Variants in ITGA2 observed in about 807,000 individuals in gnomAD.
ITGA2 encodes integrin alpha-2.
A neutral mutation model predicts 146.3 loss-of-function variants in ITGA2; 101 were observed. The ratio of observed to expected loss-of-function variants is 0.69; its 90% confidence interval spans 0.59 to 0.81. The LOEUF is 0.81. Ranked by LOEUF, ITGA2 falls within the 40% of genes least tolerant of loss-of-function variation. The pLI, the probability that ITGA2 is intolerant of heterozygous loss-of-function variation, is 0.00. For synonymous variants in ITGA2, 477 were observed against 487.1 expected (o/e 0.98, Z 0.27); for missense variants, 1,281 against 1,402.7 (o/e 0.91, Z 1.39).
rs192005523 is a variant in ITGA2, at chr5:52,992,244, G to A, written c.64+2712G>A. ...CTCCTCCTTTCCTCGCTGCTCTCCC[G>A]TCATCTCCTTCACAGGCTCTTTCCT... On this transcript the variant is annotated intron_variant, in intron 1 of 29. Transcript: ENST00000296585. Among the ~76,000 whole-genome samples the A allele has an allele frequency of 6.6e-5, 10 of 151,942 alleles. No individual in the cohort carries two copies. The East Asian group carries it at 9.7e-4, about 15-fold the overall frequency.
chr5:53,065,567 T>C (rs889646186), intron 14 of ITGA2, among the ~76,000 whole-genome samples: 6 of 151,900 alleles, frequency 3.9e-5, no homozygotes, highest in Non-Finnish European at 5.9e-5. Context: ...GTACCTGAAC[T>C]TGCATCAATT....
chr5:53,015,334 C>A (rs1175766533), intron 1 of ITGA2, among the ~76,000 whole-genome samples: 2 of 152,076 alleles, frequency 1.3e-5, no homozygotes, highest in Non-Finnish European at 2.9e-5. Context: ...TTGACTTCTA[C>A]CTTAATTTCG....
chr5:53,061,048 T>G lies in ITGA2; in HGVS notation c.1458+2T>G. 1 of 1,611,934 alleles carries G rather than the reference T, an allele frequency of 6.2e-7. No homozygotes were observed. The highest frequency in any genetic ancestry group is 8.5e-7 in the Non-Finnish European group (1 of 1,178,540). ...ATTCAGGCTCACCGAGGTGACCAGGTAAATCTCACTGTTTAGCAGGTGAAA... is the reference window on the plus strand; with the variant it reads ...ATTCAGGCTCACCGAGGTGACCAGGGAAATCTCACTGTTTAGCAGGTGAAA... On this transcript the variant is annotated splice_donor_variant, in intron 12 of 29. Coordinates refer to ENST00000296585, the MANE Select transcript of ITGA2 (RefSeq NM_002203.4). LOFTEE classifies it high-confidence loss of function.
chr5:53,042,523 C>T (rs762335828), intron 3 of ITGA2, among the ~76,000 whole-genome samples: 4 of 151,948 alleles, frequency 2.6e-5, no homozygotes, highest in Non-Finnish European at 4.4e-5. Flanking sequence ...TCCTTGAATC[C>T]GAGGCTATCC....
intron 12 of ITGA2, among the ~76,000 whole-genome samples, chr5:53,062,257 A>G (rs1011627858): frequency 1.3e-5 from 2 of 151,824 alleles, no homozygotes; most frequent in Non-Finnish European, 2.9e-5. Flanking sequence ...TTTGAATGAT[A>G]TTTTAACTTT....
rs183037725 is a variant in ITGA2, at chr5:53,064,876, T to C, written c.1603-36T>C. 1.3e-4 allele frequency: 200 copies of C among 1,588,610 alleles called. 1 individual carries two copies. The Middle Eastern group carries it at 8.3e-3, about 66-fold the overall frequency. ...AATTTTAATTATACAAGTTGTAAGG[T>C]TTGCTTTAATCATCCTTTTGTTTCC... On this transcript the variant is annotated intron_variant, in intron 13 of 29. Coordinates refer to ENST00000296585, the MANE Select transcript of ITGA2 (RefSeq NM_002203.4).
Position 53,070,153 on chromosome 5 carries a change from A to G in ITGA2, c.2128A>G (p.Arg710Gly), listed in dbSNP as rs752833323. 1 of 1,611,642 alleles carries G rather than the reference A, an allele frequency of 6.2e-7. No individual in the cohort carries two copies. Among genetic ancestry groups the G allele is most frequent in the East Asian group, 2.2e-5 (1 of 44,768 alleles). Residue 710 changes from arginine (R) to glycine (G), a missense_variant, in exon 17 of 30, where the codon AGA (arginine) becomes GGA (glycine). Coordinates refer to ENST00000296585, the MANE Select transcript of ITGA2 (RefSeq NM_002203.4). ...ITLDADGFSSRVTSRGLFKEN... is the reference protein window; with the variant it reads ...ITLDADGFSSGVTSRGLFKEN... ...ACTTGATGCAGATGGATTTTCATCC[A>G]GAGTAACCTCCAGGGGGTTATTTAA...
At position 53,061,014 on chromosome 5, in the gene ITGA2, A is replaced by G. The variant is rs764075084; in HGVS notation, c.1426A>G (p.Ile476Val). The G allele has an allele frequency of 5.0e-6, 8 of 1,612,318 alleles. No homozygotes were observed. The highest frequency in any genetic ancestry group is 6.8e-6 in the Non-Finnish European group (8 of 1,178,842). ...ATATAGTGTGAATGAGAATGGCAAT[A>G]TCACGGTTATTCAGGCTCACCGAGG... ...VLYSVNENGN[I>V]TVIQAHRGDQ... Residue 476 changes from isoleucine to valine, a missense_variant, in exon 12 of 30, where the codon ATC becomes GTC. Ile to Val is a conservative substitution (Grantham distance 29, BLOSUM62 3). Transcript: ENST00000296585.
At chr5:53,043,407 T>G (rs1337185983) in intron 3 of ITGA2, among the ~76,000 whole-genome samples, 3 of 152,158 alleles carry the variant, frequency 2.0e-5, no homozygotes, top group Non-Finnish European at 4.4e-5. Context: ...TACCTTCACA[T>G]AAAAATAAAT....
In ITGA2 at chr5:53,058,473, G is replaced by A. The variant is rs141016939; in HGVS notation, c.1173+372G>A. Among the ~76,000 whole-genome samples, 297 of 151,940 alleles carry A rather than the reference G, an allele frequency of 2.0e-3. 1 individual carries two copies. The highest frequency in any genetic ancestry group is 6.9e-3 in the African/African-American group (288 of 41,496). On this transcript the variant is annotated intron_variant, in intron 10 of 29. Transcript: ENST00000296585. ...TACTCTTGTCATCACCGTCATGGTC[G>A]AATTCTGAATGGTCATAGTATCTTT...
At chr5:53,076,527 C>T (rs1413103679) in intron 23 of ITGA2, among the ~76,000 whole-genome samples, 1 of 151,938 alleles carries the variant, frequency 6.6e-6, no homozygotes, top group Non-Finnish European at 1.5e-5. Flanking sequence ...TCAAAGGATC[C>T]CCACTTGCTA....
At chr5:52,994,430 G>C (rs141053385) in intron 1 of ITGA2, among the ~76,000 whole-genome samples, 187 of 152,314 alleles carry the variant, frequency 1.2e-3, no homozygotes, top group African/African-American at 4.4e-3. Context: ...AGGCATCTGG[G>C]CTGTGTCTGA....
chr5:53,064,958 A>G lies in ITGA2; in HGVS notation c.1649A>G (p.Glu550Gly), dbSNP rs898363051. The part of the protein sequence containing the change: ...HQFLEGPEGI[E>G]NTRFGSAIAA... ...TTTCTTGAAGGCCCCGAGGGCATTG[A>G]AAACACTCGATTTGGTTCAGCAATT... Residue 550 changes from glutamate (E) to glycine (G), a missense_variant, in exon 14 of 30, where the codon GAA (glutamate) becomes GGA (glycine). By Grantham distance (98) the Glu-to-Gly change is moderately conservative. Coordinates refer to ENST00000296585, the MANE Select transcript of ITGA2 (RefSeq NM_002203.4). The G allele has an allele frequency of 3.7e-6, 6 of 1,612,774 alleles. No homozygotes were observed. In the African/African-American group the frequency reaches 6.7e-5, roughly 18 times the overall value.
At chr5:53,011,287 G>A (rs902125152) in intron 1 of ITGA2, among the ~76,000 whole-genome samples, 2 of 152,088 alleles carry the variant, frequency 1.3e-5, no homozygotes, top group African/African-American at 2.4e-5. Context: ...TGCCTAAAAG[G>A]TTGAATTTTC....
At chr5:53,078,160 G>A (rs1745745751) in intron 23 of ITGA2, among the ~76,000 whole-genome samples, 1 of 152,060 alleles carries the variant, frequency 6.6e-6, no homozygotes, top group East Asian at 1.9e-4. Flanking sequence ...TTTAGGTCCA[G>A]AATACTAAAA....
At chr5:53,073,322 C>T in intron 20 of ITGA2, 63 bp downstream of exon 20, 1 of 1,557,974 alleles carries the variant, frequency 6.4e-7, no homozygotes. Flanking sequence ...ACTGTCTTCT[C>T]TATGTCCTCT....
rs377092209 is a variant in ITGA2, at chr5:53,048,808, T to G, written c.630+38T>G. On this transcript the variant is annotated intron_variant, in intron 6 of 29. Coordinates refer to ENST00000296585, the MANE Select transcript of ITGA2 (RefSeq NM_002203.4). Reference sequence around the variant, plus strand: ...GAAATGCATAACTAACTTATGGCTTTCTTTCTGAAAAAAATATTGTTAGCT... The same window carrying G: ...GAAATGCATAACTAACTTATGGCTTGCTTTCTGAAAAAAATATTGTTAGCT... The G allele has an allele frequency of 3.1e-6, 5 of 1,607,566 alleles. No individual in the cohort carries two copies. The African/African-American group carries it at 6.7e-5, about 22-fold the overall frequency.
intron 23 of ITGA2, among the ~76,000 whole-genome samples, chr5:53,077,660 A>T (rs903281192): frequency 9.9e-5 from 15 of 152,076 alleles, no homozygotes; most frequent in African/African-American, 3.6e-4. Flanking sequence ...CCCATTTTCC[A>T]TGTCAGGCTG....
At chr5:53,074,307 C>G (rs1430461470) in intron 20 of ITGA2, 78 bp from the exon 21 acceptor site, 1 of 1,105,808 alleles carries the variant, frequency 9.0e-7, no homozygotes, top group Non-Finnish European at 1.4e-6. Context: ...GCCACTGTAC[C>G]TCTTTTACCA....
Sources: allele counts gnomAD v4.1 joint callset (sites outside exome capture counted in the v4.1 genomes callset), GRCh38; gene constraint gnomAD v4.1.1; transcripts MANE v1.5; gene names NCBI Gene and HGNC (gene_info 2026-07-23, HGNC 2026-07-21).